The following PTPN13 variants were observed in gnomAD, a reference collection of about 807,000 sequenced individuals.
PTPN13 encodes the protein tyrosine-protein phosphatase non-receptor type 13.
Under a neutral mutation model 284.0 loss-of-function variants are expected in PTPN13, and 191 were observed. The observed-to-expected ratio is 0.67, with a 90% CI of 0.60 to 0.76. The LOEUF is 0.76. Ranked by LOEUF, PTPN13 falls within the 30% of genes least tolerant of loss-of-function variation. PTPN13 has a pLI of 0.00. For missense variants in PTPN13, 2,797 were observed against 2,939.9 expected (o/e 0.95, Z 1.12); for synonymous variants, 986 against 1,022.3 (o/e 0.96, Z 0.68).
intron 30 of PTPN13, 126 bp downstream of exon 30, chr4:86,770,325 A>G (rs1739842741): frequency 2.5e-6 from 2 of 786,192 alleles, no homozygotes; most frequent in Admixed American, 4.7e-5. Flanking sequence ...TGTTTTAGGT[A>G]GGCATGTTAT....
In PTPN13 at chr4:86,693,694, A is replaced by G; in HGVS notation, c.634+20A>G. The G allele has an allele frequency of 6.7e-7, 1 of 1,500,636 alleles. No homozygotes were observed. The highest frequency in any genetic ancestry group is 9.0e-7 in the Non-Finnish European group (1 of 1,106,466). The allele number at this position is 1,500,636 out of a possible 1,614,324, so 93.0% of individuals were successfully genotyped here. ...CAACAGGTAAGAGTATATTAATAGG[A>G]AATGTCTAGGCTTTAACCTTATCCC... On this transcript the variant is annotated intron_variant, in intron 6 of 47. Coordinates refer to ENST00000411767, the MANE Select transcript of PTPN13 (RefSeq NM_080683.3).
At chr4:86,754,553 A>G (rs1181686658) in intron 20 of PTPN13, among the ~76,000 whole-genome samples, 1 of 152,036 alleles carries the variant, frequency 6.6e-6, no homozygotes, top group Non-Finnish European at 1.5e-5. Context: ...AAGGTCACAA[A>G]GTTAGCAGGT....
chr4:86,597,133 T>G (rs1271765690), intron 1 of PTPN13, among the ~76,000 whole-genome samples: 1 of 150,908 alleles, frequency 6.6e-6, no homozygotes, highest in African/African-American at 2.4e-5. Flanking sequence ...TCAGTGCTGA[T>G]GGAAATGACG....
At chr4:86,813,284 TTG>T (rs1022554173) in intron 47 of PTPN13, among the ~76,000 whole-genome samples, 12 of 152,280 alleles carry the variant, frequency 7.9e-5, no homozygotes, top group African/African-American at 2.9e-4. Context: ...ATTTAATATA[TTG>T]TGAGTTTTTT....
chr4:86,813,525 A>T (rs1346247600), intron 47 of PTPN13, among the ~76,000 whole-genome samples: 4 of 151,990 alleles, frequency 2.6e-5, no homozygotes, highest in Non-Finnish European at 5.9e-5. Flanking sequence ...GCTCACTGCA[A>T]CCTCCACCTC....
intron 35 of PTPN13, among the ~76,000 whole-genome samples, 155 bp downstream of exon 35, chr4:86,775,807 G>A (rs185586379): frequency 2.0e-4 from 31 of 152,270 alleles, no homozygotes; most frequent in Admixed American, 1.1e-3. Context: ...CTTGATAGGC[G>A]ATTTTGAGAA....
intron 37 of PTPN13, among the ~76,000 whole-genome samples, chr4:86,783,565 C>T (rs1448901362): frequency 2.4e-5 from 3 of 123,350 alleles, no homozygotes; most frequent in South Asian, 2.3e-4. Flanking sequence ...AATACTGTGT[C>T]CTTGAATGCT....
chr4:86,605,941 C>T (rs149550636), intron 1 of PTPN13, among the ~76,000 whole-genome samples: 190 of 151,858 alleles, frequency 1.3e-3, no homozygotes, highest in African/African-American at 4.4e-3. Context: ...CAGTGATGGC[C>T]TCAGTCCACA....
chr4:86,808,302 A>G (rs894240382), intron 45 of PTPN13, among the ~76,000 whole-genome samples: 3 of 152,250 alleles, frequency 2.0e-5, no homozygotes, highest in South Asian at 4.1e-4. Flanking sequence ...GCAACTTAAC[A>G]TATTTAGGAA....
intron 31 of PTPN13, among the ~76,000 whole-genome samples, chr4:86,772,019 T>C (rs1740052671): frequency 6.6e-6 from 1 of 152,264 alleles, no homozygotes; most frequent in Non-Finnish European, 1.5e-5. Context: ...TTTTACTCTT[T>C]GGTTATGTCT....
intron 1 of PTPN13, among the ~76,000 whole-genome samples, chr4:86,615,289 T>C (rs1033661765): frequency 2.0e-5 from 3 of 152,138 alleles, no homozygotes; most frequent in Non-Finnish European, 4.4e-5. Flanking sequence ...ACCTGACAAG[T>C]CATTTTTAAG....
rs906676566 is a variant in PTPN13, at chr4:86,807,646, G to A, written c.6832G>A (p.Val2278Ile). Residue 2278 changes from valine to isoleucine, a missense_variant, in exon 45 of 48, where the codon GTT (valine) becomes ATT (isoleucine). By Grantham distance (29) the Val-to-Ile change is conservative. Transcript: ENST00000411767. ...IKIPVGKEEF[V>I]YIACQGPLPT... ...GATACCAGTTGGGAAAGAAGAGTTCGTTTACATTGCCTGCCAAGGACCACT... is the reference window on the plus strand; with the variant it reads ...GATACCAGTTGGGAAAGAAGAGTTCATTTACATTGCCTGCCAAGGACCACT... The A allele has an allele frequency of 1.6e-5, 26 of 1,613,974 alleles. No homozygotes were observed. Among genetic ancestry groups the A allele is most frequent in the Middle Eastern group, 1.6e-4 (1 of 6,062 alleles).
At chr4:86,619,101 C>G (rs1720928014) in intron 1 of PTPN13, among the ~76,000 whole-genome samples, 2 of 152,118 alleles carry the variant, frequency 1.3e-5, no homozygotes, top group Admixed American at 1.3e-4. Flanking sequence ...CAATGCCAAT[C>G]AGTGGCAGAG....
At chr4:86,627,330 T>TA (rs1161542423) in intron 1 of PTPN13, among the ~76,000 whole-genome samples, 10 of 151,788 alleles carry the variant, frequency 6.6e-5, no homozygotes, top group South Asian at 2.1e-4. Context: ...TTTACCACAA[T>TA]AAAAAAAATG....
At chr4:86,656,725 T>C (rs907469269) in intron 2 of PTPN13, among the ~76,000 whole-genome samples, 1 of 152,210 alleles carries the variant, frequency 6.6e-6, no homozygotes, top group African/African-American at 2.4e-5. Flanking sequence ...AACTCCATGC[T>C]GGGAGAACCA....
intron 2 of PTPN13, among the ~76,000 whole-genome samples, chr4:86,670,834 T>C (rs1478250409): frequency 6.6e-6 from 1 of 152,222 alleles, no homozygotes; most frequent in Non-Finnish European, 1.5e-5. Flanking sequence ...AAGAGGCGGC[T>C]TTTAACAGAA....
rs540264368 is a variant in PTPN13 at position 86,781,592 on chromosome 4, G to A, written c.5963-609G>A. Among the ~76,000 whole-genome samples, 5 of 152,254 alleles carry A rather than the reference G, an allele frequency of 3.3e-5. No homozygotes were observed. The South Asian group carries it at 1.0e-3, about 32-fold the overall frequency. ...TGAACATAGTTAAGCACCTGTGATG[G>A]ATCACCCATTCAGTGCGAAAAATTA... On this transcript the variant is annotated intron_variant, in intron 36 of 47. Coordinates refer to ENST00000411767, the MANE Select transcript of PTPN13 (RefSeq NM_080683.3).
chr4:86,781,878 G>A (rs1038732842), intron 36 of PTPN13, among the ~76,000 whole-genome samples: 1 of 151,048 alleles, frequency 6.6e-6, no homozygotes, highest in South Asian at 2.1e-4. Context: ...CAGGAGAATC[G>A]CTTGAACCAG....
chr4:86,638,498 T>A (rs918427301), intron 2 of PTPN13, among the ~76,000 whole-genome samples: 36 of 152,170 alleles, frequency 2.4e-4, no homozygotes, highest in African/African-American at 7.5e-4. Flanking sequence ...TGAATGGAAC[T>A]GAACAGAGCC....
Sources: allele counts gnomAD v4.1 joint callset (sites outside exome capture counted in the v4.1 genomes callset), GRCh38; gene constraint gnomAD v4.1.1; transcripts MANE v1.5; gene names NCBI Gene and HGNC (gene_info 2026-07-23, HGNC 2026-07-21).